Variants in ANKRD55 observed in about 807,000 individuals in gnomAD.
The protein encoded by ANKRD55 is ankyrin repeat domain-containing protein 55.
A neutral mutation model predicts 60.6 loss-of-function variants in ANKRD55; 41 were observed. The observed-to-expected ratio is 0.68, with a 90% CI of 0.53 to 0.88. The LOEUF (loss-of-function observed/expected upper bound fraction) is 0.88. ANKRD55 is among the 40% of genes least tolerant of loss of function. The probability of loss-of-function intolerance (pLI) is 0.00; values close to 1 mark genes in which losing one functional copy is unlikely to be tolerated. For missense variants in ANKRD55, 732 were observed against 767.6 expected, an observed-to-expected ratio of 0.95 and a Z score of 0.55; for synonymous variants, 264 against 290.3, an observed-to-expected ratio of 0.91 and a Z score of 0.92.
intron 2 of ANKRD55, chr5:56,192,692 A>C: frequency 2.2e-6 from 3 of 1,335,136 alleles, no homozygotes; most frequent in Non-Finnish European, 3.2e-6. Flanking sequence ...TCCTCATGCG[A>C]GGCATTCAGA....
At chr5:56,211,240 A>G (rs1404435986) in intron 2 of ANKRD55, among the ~76,000 whole-genome samples, 1 of 152,238 alleles carries the variant, frequency 6.6e-6, no homozygotes, top group Non-Finnish European at 1.5e-5. Context: ...CCGAGTCTCT[A>G]TAAGAGCACC....
In ANKRD55 at chr5:56,161,434, T is replaced by A. The variant is rs187255872; in HGVS notation, c.423-1541A>T. Among the ~76,000 whole-genome samples, 229 of 152,384 alleles carry A rather than the reference T, an allele frequency of 1.5e-3. 1 individual carries two copies. Among genetic ancestry groups the A allele is most frequent in the African/African-American group, 5.3e-3 (222 of 41,586 alleles). ...TTAGTCTCTTCTCCAATCAAATCTT[T>A]ATCGTCTCTCAGATTGGAAGACATC... On this transcript the variant is annotated intron_variant, in intron 5 of 11. Coordinates refer to ENST00000341048, the MANE Select transcript of ANKRD55 (RefSeq NM_024669.3).
chr5:56,166,158 T>TTTCTTCTTTCCTTCCTTCC (rs1554040812), intron 5 of ANKRD55, among the ~76,000 whole-genome samples: 31 of 72,208 alleles, frequency 4.3e-4, no homozygotes, highest in East Asian at 7.9e-4. Context: ...TTCTTTCTTC[T>TTTCTTCTTTCCTTCCTTCC]TTCCTTCCTT....
chr5:56,211,695 C>T (rs1167365091), intron 2 of ANKRD55, among the ~76,000 whole-genome samples: 1 of 152,224 alleles, frequency 6.6e-6, no homozygotes, highest in Admixed American at 6.5e-5. Flanking sequence ...TCCATTCTCA[C>T]TGACTCACGG....
rs367914010 is a variant in ANKRD55 at position 56,154,881 on chromosome 5, G to C, written c.483+4952C>G. On this transcript the variant is annotated intron_variant, in intron 6 of 11. Transcript: ENST00000341048. ...TGGGATTACAGGCGTGAGCCGTGGAGCCGGGCCTCAAAGATCTTAACTGGC... is the reference window on the plus strand; with the variant it reads ...TGGGATTACAGGCGTGAGCCGTGGACCCGGGCCTCAAAGATCTTAACTGGC... Among the ~76,000 whole-genome samples, 213 of 152,248 alleles carry C rather than the reference G, an allele frequency of 1.4e-3. 3 individuals are homozygous for C. The highest frequency in any genetic ancestry group is 4.7e-3 in the African/African-American group (194 of 41,580).
At chr5:56,204,567 G>A (rs1408346707) in intron 2 of ANKRD55, among the ~76,000 whole-genome samples, 1 of 152,116 alleles carries the variant, frequency 6.6e-6, no homozygotes, top group Non-Finnish European at 1.5e-5. Flanking sequence ...CCTTCCTGCT[G>A]CCATGTGAAG....
chr5:56,174,549 C>T (rs1028377618), intron 4 of ANKRD55, among the ~76,000 whole-genome samples: 6 of 152,150 alleles, frequency 3.9e-5, no homozygotes, highest in Non-Finnish European at 8.8e-5. Context: ...ATGCACAGAC[C>T]AGTGGCTTTT....
chr5:56,192,352 T>G (rs527351622), intron 2 of ANKRD55, among the ~76,000 whole-genome samples: 1 of 152,188 alleles, frequency 6.6e-6, no homozygotes, highest in South Asian at 2.1e-4. Flanking sequence ...ACACGCAGAT[T>G]ATATTTTATT....
intron 5 of ANKRD55, among the ~76,000 whole-genome samples, chr5:56,168,536 T>C (rs1758537402): frequency 6.6e-6 from 1 of 152,218 alleles, no homozygotes; most frequent in Admixed American, 6.5e-5. Context: ...TTCTATTTTA[T>C]TATTATTGTT....
At chr5:56,185,554 GC>G (rs927621916) in intron 2 of ANKRD55, among the ~76,000 whole-genome samples, 2 of 151,820 alleles carry the variant, frequency 1.3e-5, no homozygotes, top group African/African-American at 4.8e-5. Context: ...TGTAATTCCA[GC>G]TACTCGGGAG....
chr5:56,158,143 T>C (rs1247513952), intron 6 of ANKRD55, among the ~76,000 whole-genome samples: 1 of 151,916 alleles, frequency 6.6e-6, no homozygotes, highest in Non-Finnish European at 1.5e-5. Context: ...ATTGCACCAC[T>C]GTACTCCAGC....
At chr5:56,101,652 C>G (rs1427698634) in intron 11 of ANKRD55, among the ~76,000 whole-genome samples, 1 of 151,944 alleles carries the variant, frequency 6.6e-6, no homozygotes, top group Non-Finnish European at 1.5e-5. Flanking sequence ...AACAAACACC[C>G]CAGGTAATAC....
At chr5:56,128,333 CG>C (rs1004435688) in intron 7 of ANKRD55, among the ~76,000 whole-genome samples, 5 of 152,166 alleles carry the variant, frequency 3.3e-5, no homozygotes, top group African/African-American at 9.7e-5. Context: ...ACCCCACACT[CG>C]TACTCTCTTC....
Sources: gnomAD v4.1 joint callset for allele counts (sites outside exome capture counted in the v4.1 genomes callset) on GRCh38, gnomAD v4.1.1 for gene constraint, MANE v1.5 for transcripts, NCBI Gene and HGNC (gene_info 2026-07-23, HGNC 2026-07-21) for gene names.